Variants in FAM43B observed in about 807,000 individuals in gnomAD.
The protein encoded by FAM43B is protein FAM43B.
In FAM43B, 17 loss-of-function variants were observed where a neutral mutation model predicts 20.1. The ratio of observed to expected loss-of-function variants is 0.84; its 90% CI spans 0.58 to 1.27. The LOEUF is 1.27. Among genes scored for constraint, FAM43B ranks in the 50% most tolerant of loss-of-function variants. FAM43B has a pLI of 0.00. For missense variants in FAM43B, 512 were observed against 516.7 expected (o/e 0.99, Z 0.09); for synonymous variants, 208 against 238.5 (o/e 0.87, Z 1.18).
chr1:20,553,742 G>T lies in FAM43B; in HGVS notation c.769G>T (p.Ala257Ser). 6 of 1,467,008 alleles carry T rather than the reference G, an allele frequency of 4.1e-6. No individual in the cohort carries two copies. The highest frequency in any genetic ancestry group is 5.4e-6 in the Non-Finnish European group (6 of 1,105,172). 90.9% of individuals were successfully genotyped at this position (1,467,008 alleles called of 1,614,324 possible). Residue 257 changes from alanine to serine, a missense_variant, in exon 1 of 1, where the codon GCG becomes TCG. By Grantham distance (99) the Ala-to-Ser change is moderately conservative. Transcript: ENST00000332947. This position sits in a 1 kb window ranked among gnomAD's most constrained non-coding sequence, Gnocchi z 6.5. ...RPPPSERSRG[A>S]PRLSSIQEED... The stretch of plus-strand genomic sequence containing the variant: ...GCCGCCGAGCGAGCGCAGCCGCGGG[G>T]CGCCGCGCCTCAGCAGCATCCAGGA...
chr1:20,553,974 A>G lies in FAM43B; in HGVS notation c.*11A>G. 1 of 1,215,784 alleles carries G rather than the reference A, an allele frequency of 8.2e-7. No individual in the cohort carries two copies. The highest frequency in any genetic ancestry group is 4.4e-5 in the Admixed American group (1 of 22,550). The allele number at this position is 1,215,784 out of a possible 1,614,324, so 75.3% of individuals were successfully genotyped here. A position where few individuals can be genotyped will look rare whatever the true frequency, so the allele number is the denominator to read the frequency against. On this transcript the variant is annotated 3_prime_UTR_variant, in exon 1 of 1. Transcript: ENST00000332947. This position sits in a 1 kb window ranked among gnomAD's most constrained non-coding sequence, Gnocchi z 6.5. ...GGCCAGGCGCGCTGAGAGCCGAAGG[A>G]CAGGACTCGCAGCCCCAGGCCCGAC...
chr1:20,553,884 G>A lies in FAM43B; in HGVS notation c.911G>A (p.Gly304Asp). The change falls in exon 1 of 1, where the codon GGC becomes GAC. Residue 304 changes from glycine to aspartate, a missense_variant. Physicochemically the swap from Gly to Asp is moderately conservative, Grantham distance 94. Transcript: ENST00000332947. The surrounding 1 kb of genome is among the most constrained non-coding windows in gnomAD (Gnocchi z 6.5). The part of the protein sequence containing the change: ...ARELRTCSLR[G>D]APAPPPPAQP... Reference sequence around the variant, plus strand: ...GAGCTGAGGACGTGCAGCCTGCGGGGCGCCCCGGCGCCCCCGCCGCCCGCG... The same window carrying A: ...GAGCTGAGGACGTGCAGCCTGCGGGACGCCCCGGCGCCCCCGCCGCCCGCG... The A allele has an allele frequency of 7.7e-7, 1 of 1,300,726 alleles. No individual in the cohort carries two copies. The highest frequency in any genetic ancestry group is 9.7e-7 in the Non-Finnish European group (1 of 1,026,382). 80.6% of individuals were successfully genotyped at this position (1,300,726 alleles called of 1,614,324 possible). A position where few individuals can be genotyped will look rare whatever the true frequency, so the allele number is the denominator to read the frequency against.
Position 20,553,342 on chromosome 1 carries a change from G to A in FAM43B, c.369G>A (p.Pro123=), listed in dbSNP as rs745553223. Residue 123 remains proline, a synonymous_variant, in exon 1 of 1, where the codon CCG becomes CCA. Transcript: ENST00000332947. The surrounding 1 kb of genome is among the most constrained non-coding windows in gnomAD (Gnocchi z 6.5). ...TLGPHGIRMQ[P]CERSAAGGSG... is the part of the protein sequence containing the mutation. The stretch of plus-strand genomic sequence containing the variant: ...GGCCGCACGGCATCCGCATGCAGCC[G>A]TGCGAGCGCAGCGCCGCCGGGGGTT... 68 of 1,514,926 alleles carry A rather than the reference G, an allele frequency of 4.5e-5. No homozygotes were observed. In the East Asian group the frequency reaches 1.5e-3, roughly 34 times the overall value. 93.8% of individuals were successfully genotyped at this position (1,514,926 alleles called of 1,614,324 possible).
Position 20,553,707 on chromosome 1 carries a change from C to T in FAM43B, c.734C>T (p.Ala245Val). 6.9e-7 allele frequency: 1 copy of T among 1,448,872 alleles called. No homozygotes were observed. The highest frequency in any genetic ancestry group is 9.1e-7 in the Non-Finnish European group (1 of 1,097,782). 89.8% of individuals were successfully genotyped at this position (1,448,872 alleles called of 1,614,324 possible). ...PLRRLLNAKC[A>V]YRPPPSERSR... ...CGCCGCCTGCTCAATGCCAAGTGCG[C>T]CTACCGGCCGCCGCCGAGCGAGCGC... Residue 245 changes from alanine (A) to valine (V), a missense_variant, in exon 1 of 1, where the codon GCC (alanine) becomes GTC (valine). Transcript: ENST00000332947. This position sits in a 1 kb window ranked among gnomAD's most constrained non-coding sequence, Gnocchi z 6.5.
chr1:20,553,894 G>C lies in FAM43B; in HGVS notation c.921G>C (p.Ala307=), dbSNP rs2101145011. Reference sequence around the variant, plus strand: ...CGTGCAGCCTGCGGGGCGCCCCGGCGCCCCCGCCGCCCGCGCAGCCCCGCC... The same window carrying C: ...CGTGCAGCCTGCGGGGCGCCCCGGCCCCCCCGCCGCCCGCGCAGCCCCGCC... ...LRTCSLRGAP[A]PPPPAQPRRW... Residue 307 remains alanine (A), a synonymous_variant, in exon 1 of 1, where the codon GCG becomes GCC. Transcript: ENST00000332947. This position sits in a 1 kb window ranked among gnomAD's most constrained non-coding sequence, Gnocchi z 6.5. 1 of 1,276,782 alleles carries C rather than the reference G, an allele frequency of 7.8e-7. No individual in the cohort carries two copies. Among genetic ancestry groups the C allele is most frequent in the Non-Finnish European group, 9.8e-7 (1 of 1,015,360 alleles). The allele number at this position is 1,276,782 out of a possible 1,614,324, so 79.1% of individuals were successfully genotyped here. A position where few individuals can be genotyped will look rare whatever the true frequency, so the allele number is the denominator to read the frequency against.
chr1:20,553,666 G>T lies in FAM43B; in HGVS notation c.693G>T (p.Val231=). 7.6e-7 allele frequency: 1 copy of T among 1,316,660 alleles called. No homozygotes were observed. Among genetic ancestry groups the T allele is most frequent in the South Asian group, 2.1e-5 (1 of 47,158 alleles). The allele number at this position is 1,316,660 out of a possible 1,614,324, so 81.6% of individuals were successfully genotyped here. ...GCGCTGGGGGCGCCGCCGCCTCGGT[G>T]CCCCGCGCCCCACTGCGCCGCCTGC... ...HLRAGGAAAS[V]PRAPLRRLLN... is the part of the protein sequence containing the mutation. The change falls in exon 1 of 1, where the codon GTG becomes GTT. Residue 231 remains valine, a synonymous_variant. Transcript: ENST00000332947. The surrounding 1 kb of genome is among the most constrained non-coding windows in gnomAD (Gnocchi z 6.5).
chr1:20,553,345 C>T lies in FAM43B; in HGVS notation c.372C>T (p.Cys124=), dbSNP rs906545304. The change falls in exon 1 of 1, where the codon TGC becomes TGT. Residue 124 remains cysteine, a synonymous_variant. Coordinates refer to ENST00000332947, the MANE Select transcript of FAM43B (RefSeq NM_207334.3). The surrounding 1 kb of genome is among the most constrained non-coding windows in gnomAD (Gnocchi z 6.5). The stretch of plus-strand genomic sequence containing the variant: ...CGCACGGCATCCGCATGCAGCCGTG[C>T]GAGCGCAGCGCCGCCGGGGGTTCGG... ...LGPHGIRMQP[C]ERSAAGGSGG... The T allele has an allele frequency of 1.3e-6, 2 of 1,506,234 alleles. No homozygotes were observed. Among genetic ancestry groups the T allele is most frequent in the East Asian group, 5.0e-5 (2 of 40,034 alleles). 93.3% of individuals were successfully genotyped at this position (1,506,234 alleles called of 1,614,324 possible).
rs1434401788 is a variant in FAM43B, at chr1:20,553,767, A to G, written c.794A>G (p.Glu265Gly). The G allele has an allele frequency of 1.4e-6, 2 of 1,472,492 alleles. No homozygotes were observed. The highest frequency in any genetic ancestry group is 1.3e-5 in the South Asian group (1 of 79,018). 91.2% of individuals were successfully genotyped at this position (1,472,492 alleles called of 1,614,324 possible). The change falls in exon 1 of 1, where the codon GAG (glutamate) becomes GGG (glycine). Residue 265 changes from glutamate to glycine, a missense_variant. Transcript: ENST00000332947. The surrounding 1 kb of genome is among the most constrained non-coding windows in gnomAD (Gnocchi z 6.5). ...RGAPRLSSIQ[E>G]EDEEEEEDDA... ...GCGCCGCGCCTCAGCAGCATCCAGG[A>G]GGAGGACGAGGAGGAGGAGGAGGAC...
Position 20,554,154 on chromosome 1 carries a change from C to A in FAM43B, c.*191C>A. On this transcript the variant is annotated 3_prime_UTR_variant, in exon 1 of 1. Transcript: ENST00000332947. ...ACGCCCTTGGTTATTGGGGGGTGTT[C>A]CTCTCTCCCCACACCCGGAGTTTCC... 1.8e-6 allele frequency: 1 copy of A among 558,682 alleles called. No individual in the cohort carries two copies. Among genetic ancestry groups the A allele is most frequent in the Non-Finnish European group, 2.6e-6 (1 of 383,236 alleles). 34.6% of individuals were successfully genotyped at this position (558,682 alleles called of 1,614,324 possible).
chr1:20,552,732 A>C lies in FAM43B; in HGVS notation c.-242A>C. 7.1e-6 allele frequency: 4 copies of C among 560,162 alleles called. No homozygotes were observed. The highest frequency in any genetic ancestry group is 2.0e-5 in the African/African-American group (1 of 51,064). The allele number at this position is 560,162 out of a possible 1,614,324, so 34.7% of individuals were successfully genotyped here. A position where few individuals can be genotyped will look rare whatever the true frequency, so the allele number is the denominator to read the frequency against. On this transcript the variant is annotated 5_prime_UTR_variant, in exon 1 of 1. Coordinates refer to ENST00000332947, the MANE Select transcript of FAM43B (RefSeq NM_207334.3). Reference sequence around the variant, plus strand: ...CCAGACGGCTGGAGACACTCCCGGGAAAAGCGGTCCTCAGCCACTCGGCCG... The same window carrying C: ...CCAGACGGCTGGAGACACTCCCGGGCAAAGCGGTCCTCAGCCACTCGGCCG...
chr1:20,553,972 G>GGACA lies in FAM43B; in HGVS notation c.*11_*14dup. 1 of 1,216,792 alleles carries GGACA rather than the reference G, an allele frequency of 8.2e-7. No individual in the cohort carries two copies. The highest frequency in any genetic ancestry group is 3.5e-5 in the East Asian group (1 of 28,686). 75.4% of individuals were successfully genotyped at this position (1,216,792 alleles called of 1,614,324 possible). A position where few individuals can be genotyped will look rare whatever the true frequency, so the allele number is the denominator to read the frequency against. On this transcript the variant is annotated 3_prime_UTR_variant, in exon 1 of 1. Coordinates refer to ENST00000332947, the MANE Select transcript of FAM43B (RefSeq NM_207334.3). This position sits in a 1 kb window ranked among gnomAD's most constrained non-coding sequence, Gnocchi z 6.5. ...CGGGCCAGGCGCGCTGAGAGCCGAA[G>GGACA]GACAGGACTCGCAGCCCCAGGCCCG...
At position 20,553,715 on chromosome 1, in the gene FAM43B, CCGCCGCCGAGCGAGCGCAGCCGCGGGG is replaced by C; in HGVS notation, c.749_775del (p.Pro250_Pro258del). 1 of 1,453,066 alleles carries C rather than the reference CCGCCGCCGAGCGAGCGCAGCCGCGGGG, an allele frequency of 6.9e-7. No individual in the cohort carries two copies. Among genetic ancestry groups the C allele is most frequent in the Non-Finnish European group, 9.1e-7 (1 of 1,099,514 alleles). 90.0% of individuals were successfully genotyped at this position (1,453,066 alleles called of 1,614,324 possible). On this transcript the variant is annotated inframe_deletion, in exon 1 of 1. Coordinates refer to ENST00000332947, the MANE Select transcript of FAM43B (RefSeq NM_207334.3). The surrounding 1 kb of genome is among the most constrained non-coding windows in gnomAD (Gnocchi z 6.5). Reference sequence around the variant, plus strand: ...GCTCAATGCCAAGTGCGCCTACCGGCCGCCGCCGAGCGAGCGCAGCCGCGGGGCGCCGCGCCTCAGCAGCATCCAGGA... The same window carrying C: ...GCTCAATGCCAAGTGCGCCTACCGGCCGCCGCGCCTCAGCAGCATCCAGGA...
Position 20,553,829 on chromosome 1 carries a change from G to A in FAM43B, c.856G>A (p.Glu286Lys), listed in dbSNP as rs930700278. Residue 286 changes from glutamate to lysine, a missense_variant, in exon 1 of 1, where the codon GAG (glutamate) becomes AAG (lysine). By Grantham distance (56) the Glu-to-Lys change is moderately conservative. Coordinates refer to ENST00000332947, the MANE Select transcript of FAM43B (RefSeq NM_207334.3). This position sits in a 1 kb window ranked among gnomAD's most constrained non-coding sequence, Gnocchi z 6.5. ...GCAAGAGGGAGGAGTCCCCCAGCGC[G>A]AGCGGCCGGAGGTGCTCAGCCTGGC... ...EEQEGGVPQR[E>K]RPEVLSLARE... 2.7e-6 allele frequency: 4 copies of A among 1,458,616 alleles called. No individual in the cohort carries two copies. The highest frequency in any genetic ancestry group is 3.6e-6 in the Non-Finnish European group (4 of 1,099,496). 90.4% of individuals were successfully genotyped at this position (1,458,616 alleles called of 1,614,324 possible).
In FAM43B at chr1:20,553,255, C is replaced by G. The variant is rs745376320; in HGVS notation, c.282C>G (p.Ala94=). ...HAKGDGCTDD[A]VGKIWARCGP... is the part of the protein sequence containing the mutation. The stretch of plus-strand genomic sequence containing the variant: ...AGGGCGACGGCTGCACCGACGACGC[C>G]GTGGGCAAGATCTGGGCTCGCTGCG... Residue 94 remains alanine, a synonymous_variant, in exon 1 of 1, where the codon GCC becomes GCG. Coordinates refer to ENST00000332947, the MANE Select transcript of FAM43B (RefSeq NM_207334.3). This position sits in a 1 kb window ranked among gnomAD's most constrained non-coding sequence, Gnocchi z 6.5. The G allele has an allele frequency of 1.9e-6, 3 of 1,612,510 alleles. No homozygotes were observed. Among genetic ancestry groups the G allele is most frequent in the African/African-American group, 1.3e-5 (1 of 75,034 alleles).
chr1:20,553,315 G>A lies in FAM43B; in HGVS notation c.342G>A (p.Leu114=), dbSNP rs752022453. The A allele has an allele frequency of 8.9e-6, 14 of 1,576,052 alleles. No individual in the cohort carries two copies. Among genetic ancestry groups the A allele is most frequent in the African/African-American group, 6.8e-5 (5 of 73,762 alleles). ...GGGGCACTAAGATGAAGCTGACGCT[G>A]GGGCCGCACGGCATCCGCATGCAGC... is the stretch of plus-strand genomic sequence containing the variant. The part of the protein sequence containing the change: ...PGGGTKMKLT[L]GPHGIRMQPC... The change falls in exon 1 of 1, where the codon CTG becomes CTA. Residue 114 remains leucine, a synonymous_variant. Coordinates refer to ENST00000332947, the MANE Select transcript of FAM43B (RefSeq NM_207334.3). The surrounding 1 kb of genome is among the most constrained non-coding windows in gnomAD (Gnocchi z 6.5).
Position 20,553,766 on chromosome 1 carries a change from G to A in FAM43B, c.793G>A (p.Glu265Lys), listed in dbSNP as rs779653098. The change falls in exon 1 of 1, where the codon GAG becomes AAG. Residue 265 changes from glutamate (E) to lysine (K), a missense_variant. Physicochemically the swap from Glu to Lys is moderately conservative, Grantham distance 56 (BLOSUM62 1). Transcript: ENST00000332947. This position sits in a 1 kb window ranked among gnomAD's most constrained non-coding sequence, Gnocchi z 6.5. ...GGCGCCGCGCCTCAGCAGCATCCAG[G>A]AGGAGGACGAGGAGGAGGAGGAGGA... ...RGAPRLSSIQ[E>K]EDEEEEEDDA... The A allele has an allele frequency of 6.8e-7, 1 of 1,474,276 alleles. No individual in the cohort carries two copies. Among genetic ancestry groups the A allele is most frequent in the South Asian group, 1.3e-5 (1 of 79,086 alleles). 91.3% of individuals were successfully genotyped at this position (1,474,276 alleles called of 1,614,324 possible).
chr1:20,553,195 G>A lies in FAM43B; in HGVS notation c.222G>A (p.Val74=), dbSNP rs1382806438. The A allele has an allele frequency of 6.8e-6, 11 of 1,613,550 alleles. No homozygotes were observed. The African/African-American group carries it at 1.2e-4, about 18-fold the overall frequency. Residue 74 remains valine, a synonymous_variant, in exon 1 of 1, where the codon GTG becomes GTA. Coordinates refer to ENST00000332947, the MANE Select transcript of FAM43B (RefSeq NM_207334.3). This position sits in a 1 kb window ranked among gnomAD's most constrained non-coding sequence, Gnocchi z 6.5. ...ELNKEDPTYT[V]WYLGNAVTLH... is the part of the protein sequence containing the mutation. ...ACAAGGAGGACCCGACCTACACCGT[G>A]TGGTACCTGGGCAACGCCGTCACCC...
rs2052157021 is a variant in FAM43B at position 20,553,603 on chromosome 1, C to T, written c.630C>T (p.Arg210=). The T allele has an allele frequency of 7.8e-7, 1 of 1,278,654 alleles. No homozygotes were observed. Among genetic ancestry groups the T allele is most frequent in the Non-Finnish European group, 9.8e-7 (1 of 1,019,952 alleles). The allele number at this position is 1,278,654 out of a possible 1,614,324, so 79.2% of individuals were successfully genotyped here. A position where few individuals can be genotyped will look rare whatever the true frequency, so the allele number is the denominator to read the frequency against. ...AAFSDFKRLQ[R]QSDARHVRQQ... is the part of the protein sequence containing the mutation. ...TCAGCGACTTCAAGCGCCTGCAGCGCCAGAGCGACGCGCGCCACGTGCGCC... is the reference window on the plus strand; with the variant it reads ...TCAGCGACTTCAAGCGCCTGCAGCGTCAGAGCGACGCGCGCCACGTGCGCC... The change falls in exon 1 of 1, where the codon CGC becomes CGT. Residue 210 remains arginine (R), a synonymous_variant. Coordinates refer to ENST00000332947, the MANE Select transcript of FAM43B (RefSeq NM_207334.3). This position sits in a 1 kb window ranked among gnomAD's most constrained non-coding sequence, Gnocchi z 6.5.
rs754060811 is a variant in FAM43B at position 20,553,110 on chromosome 1, A to G, written c.137A>G (p.Asp46Gly). ...CGCTCCTGCCCGGACCTGCTGCCCG[A>G]CTGGCCGCTGGAGCGCTTGGGCCGT... The part of the protein sequence containing the change: ...FLRSCPDLLP[D>G]WPLERLGRVF... The change falls in exon 1 of 1, where the codon GAC (aspartate) becomes GGC (glycine). Residue 46 changes from aspartate to glycine, a missense_variant. Coordinates refer to ENST00000332947, the MANE Select transcript of FAM43B (RefSeq NM_207334.3). This position sits in a 1 kb window ranked among gnomAD's most constrained non-coding sequence, Gnocchi z 6.5. 1 of 1,613,300 alleles carries G rather than the reference A, an allele frequency of 6.2e-7. No homozygotes were observed. The highest frequency in any genetic ancestry group is 8.5e-7 in the Non-Finnish European group (1 of 1,179,846).
Sources: gnomAD v4.1 joint callset for allele counts on GRCh38, gnomAD v4.1.1 for gene constraint, Gnocchi (gnomAD v3.1) non-coding constraint, MANE v1.5 for transcripts, NCBI Gene and HGNC (gene_info 2026-07-23, HGNC 2026-07-21) for gene names.